POU2F2: variants seen among roughly 807,000 people sequenced by gnomAD.
POU2F2 encodes the protein POU class 2 homeobox 2, also known as POU domain, class 2, transcription factor 2.
POU2F2 carries 14 observed loss-of-function variants against 63.5 expected under a neutral mutation model. That is an observed-to-expected ratio of 0.22 (90% CI 0.15 to 0.34). The LOEUF is 0.34. Ranked by LOEUF, POU2F2 falls within the 10% of genes least tolerant of loss-of-function variation. The pLI is 1.00. For missense variants in POU2F2, 607 were observed against 815.2 expected, an observed-to-expected ratio of 0.74 and a Z score of 3.11; for synonymous variants, 306 against 348.6, an observed-to-expected ratio of 0.88 and a Z score of 1.36.
chr19:42,174,142 C>T (rs2034825338), intron 1 of POU2F2, among the ~76,000 whole-genome samples: 2 of 152,310 alleles, frequency 1.3e-5, no homozygotes, highest in Middle Eastern at 3.4e-3. Flanking sequence ...TGCACTCACA[C>T]ATCTCTCATC....
intron 4 of POU2F2, among the ~76,000 whole-genome samples, chr19:42,120,183 C>A (rs940901000): frequency 3.3e-5 from 5 of 151,124 alleles, no homozygotes; most frequent in African/African-American, 1.2e-4. Context: ...AGTGTTAGAA[C>A]TACAGGCTTG....
Position 42,142,623 on chromosome 19 carries a change from T to A in POU2F2, c.-9+17709A>T, listed in dbSNP as rs1305216995. Among the ~76,000 whole-genome samples the A allele has an allele frequency of 3.3e-5, 5 of 152,090 alleles. No individual in the cohort carries two copies. In the East Asian group the frequency reaches 7.7e-4, roughly 23 times the overall value. On this transcript the variant is annotated intron_variant, in intron 2 of 6. Coordinates refer to the POU2F2 transcript ENST00000524801. ...CTCTGTCAACCAGGCTGGAGTACAG[T>A]GGTGCAATCTCAGCTCACTGCAACT...
rs1221325811 is a variant in POU2F2, at chr19:42,155,297, C to T, written c.-9+5035G>A. On this transcript the variant is annotated intron_variant, in intron 2 of 6. Coordinates refer to the POU2F2 transcript ENST00000524801. The surrounding 1 kb of genome is among the most constrained non-coding windows in gnomAD (Gnocchi z 4.2). ...AGTCCCTCACTCTGCTTTCCTGCCT[C>T]TGACTTTTCTGCTGTTTCCTCTTCC... Among the ~76,000 whole-genome samples the T allele has an allele frequency of 3.3e-5, 5 of 152,236 alleles. No homozygotes were observed. Among genetic ancestry groups the T allele is most frequent in the African/African-American group, 1.2e-4 (5 of 41,460 alleles).
At chr19:42,164,570 CAA>C (rs561131790) in intron 1 of POU2F2, among the ~76,000 whole-genome samples, 1 of 112,770 alleles carries the variant, frequency 8.9e-6, no homozygotes. Context: ...GACTCTGTCT[CAA>C]AAAAAAAAAA....
intron 2 of POU2F2, among the ~76,000 whole-genome samples, chr19:42,144,466 G>T (rs1475473812): frequency 6.6e-6 from 1 of 152,208 alleles, no homozygotes; most frequent in African/African-American, 2.4e-5. Context: ...TGCTCAGCCT[G>T]GGCAAGCGCC....
intron 5 of POU2F2, among the ~76,000 whole-genome samples, chr19:42,100,219 G>A (rs1211568203): frequency 7.0e-6 from 1 of 142,760 alleles, no homozygotes; most frequent in Non-Finnish European, 1.5e-5. Flanking sequence ...AGCCTCCCAA[G>A]TAGCTGGGAC....
chr19:42,180,407 C>A (rs2034947605), upstream of POU2F2, among the ~76,000 whole-genome samples: 1 of 152,188 alleles, frequency 6.6e-6, no homozygotes, highest in Non-Finnish European at 1.5e-5. Flanking sequence ...TGACAACCCA[C>A]ACACTATCCA....
At chr19:42,165,664 C>A (rs1483643470) in intron 1 of POU2F2, among the ~76,000 whole-genome samples, 1 of 152,216 alleles carries the variant, frequency 6.6e-6, no homozygotes, top group Non-Finnish European at 1.5e-5. Flanking sequence ...CCTCTCTGAG[C>A]CTCAGTTTGC....
At chr19:42,099,676 G>A (rs1253617986) in intron 6 of POU2F2, 40 bp downstream of exon 6, 1 of 1,603,108 alleles carries the variant, frequency 6.2e-7, no homozygotes, top group Non-Finnish European at 8.5e-7. Context: ...AGGAAGTTCT[G>A]TGGAGGCGTC....
At chr19:42,165,587 A>C (rs1485512870) in intron 1 of POU2F2, among the ~76,000 whole-genome samples, 2 of 152,196 alleles carry the variant, frequency 1.3e-5, no homozygotes, top group Non-Finnish European at 2.9e-5. Context: ...TGTGGGGCAG[A>C]AGAGCACAGT....
intron 1 of POU2F2, among the ~76,000 whole-genome samples, chr19:42,187,422 G>C (rs2035024361): frequency 7.3e-6 from 1 of 136,382 alleles, no homozygotes; most frequent in Admixed American, 8.0e-5. Flanking sequence ...AGTGAGCTGA[G>C]ATTGTGCACT....
intron 1 of POU2F2, chr19:42,196,326 C>T (rs889321804): frequency 1.3e-5 from 2 of 152,300 alleles, no homozygotes; most frequent in African/African-American, 4.8e-5. Context: ...CGCGGAAAAA[C>T]ATGGGGACAA....
At chr19:42,142,544 T>A (rs1311776210) in intron 2 of POU2F2, among the ~76,000 whole-genome samples, 2 of 149,374 alleles carry the variant, frequency 1.3e-5, no homozygotes, top group South Asian at 4.2e-4. Context: ...GGGTTTGGGG[T>A]TTGGGGGGTT....
At chr19:42,131,534 C>A (rs773793066) in intron 1 of POU2F2, among the ~76,000 whole-genome samples, 9 of 152,186 alleles carry the variant, frequency 5.9e-5, no homozygotes, top group Non-Finnish European at 1.0e-4. Context: ...AGACTCCCAT[C>A]AACACTGCTG....
At chr19:42,130,577 G>A (rs905504420) in intron 1 of POU2F2, among the ~76,000 whole-genome samples, 5 of 152,104 alleles carry the variant, frequency 3.3e-5, no homozygotes, top group Admixed American at 1.3e-4. Context: ...AGAGAGGAAC[G>A]AGTCAGTGGG....
At position 42,095,209 on chromosome 19, in the gene POU2F2, A is replaced by C; in HGVS notation, c.1197+77T>G. ...TGTCTCTGTTCTAGGCTCTGTGGAC[A>C]ACCAGGTAGGGTGGGCTTCACACAG... On this transcript the variant is annotated intron_variant, in intron 11 of 14. Transcript: ENST00000692977. The surrounding 1 kb of genome is among the most constrained non-coding windows in gnomAD (Gnocchi z 7.1). 6.7e-7 allele frequency: 1 copy of C among 1,485,532 alleles called. No individual in the cohort carries two copies. 92.0% of individuals were successfully genotyped at this position (1,485,532 alleles called of 1,614,324 possible).
intron 12 of POU2F2, 62 bp downstream of exon 12, chr19:42,093,767 T>C: frequency 1.3e-6 from 2 of 1,532,516 alleles, no homozygotes; most frequent in Non-Finnish European, 8.9e-7. Flanking sequence ...CTTGGGAACC[T>C]CAGGCTCCAG....
intron 1 of POU2F2, among the ~76,000 whole-genome samples, chr19:42,186,141 A>T (rs991238599): frequency 6.6e-6 from 1 of 152,052 alleles, no homozygotes; most frequent in African/African-American, 2.4e-5. Context: ...TAACACAGTG[A>T]AACCCCATCT....
rs1249831163 is a variant in POU2F2, at chr19:42,169,074, A to G, written c.-70+6889T>C. 6.6e-6 allele frequency among the ~76,000 whole-genome samples: 1 copy of G among 152,168 alleles called. No homozygotes were observed. Among genetic ancestry groups the G allele is most frequent in the Non-Finnish European group, 1.5e-5 (1 of 68,032 alleles). On this transcript the variant is annotated intron_variant, in intron 1 of 6. Transcript: ENST00000524801. This position sits in a 1 kb window ranked among gnomAD's most constrained non-coding sequence, Gnocchi z 4.3. The stretch of plus-strand genomic sequence containing the variant: ...GGCCTGACTCCTATAGAGGCTCAGT[A>G]CCTATGTGATGAGTTAATTAATTCT...
Sources: gnomAD v4.1 joint callset for allele counts (sites outside exome capture counted in the v4.1 genomes callset) on GRCh38, gnomAD v4.1.1 for gene constraint, Gnocchi (gnomAD v3.1) non-coding constraint, MANE v1.5 for transcripts, NCBI Gene and HGNC (gene_info 2026-07-23, HGNC 2026-07-21) for gene names.